The following ASTN1 variants were observed in gnomAD, a reference collection of about 807,000 sequenced individuals.
ASTN1 encodes astrotactin-1.
In ASTN1, 41 loss-of-function variants were observed where a neutral mutation model predicts 140.7. That is an observed-to-expected ratio of 0.29 (90% confidence interval 0.23 to 0.38). The LOEUF (loss-of-function observed/expected upper bound fraction) is 0.38, where lower values mean the gene tolerates loss of function less well. Ranked by LOEUF, ASTN1 falls within the 10% of genes least tolerant of loss-of-function variation. The pLI, the probability that ASTN1 is intolerant of heterozygous loss-of-function variation, is 1.00. For missense variants in ASTN1, 1,479 were observed against 1,678.8 expected, an observed-to-expected ratio of 0.88 and a Z score of 2.08; for synonymous variants, 640 against 652.2, an observed-to-expected ratio of 0.98 and a Z score of 0.29.
chr1:177,020,859 T>TTGTG (rs138744561), intron 7 of ASTN1, among the ~76,000 whole-genome samples: 3 of 151,388 alleles, frequency 2.0e-5, no homozygotes, highest in Non-Finnish European at 3.0e-5. Context: ...GTTTGTGTGT[T>TTGTG]TGTGTGTGTG....
intron 16 of ASTN1, among the ~76,000 whole-genome samples, chr1:176,925,963 G>A (rs914495135): frequency 2.6e-5 from 4 of 151,866 alleles, no homozygotes; most frequent in Non-Finnish European, 4.4e-5. Context: ...CCGGCACCAC[G>A]CCCAGCTAAT....
chr1:177,158,735 C>A (rs1683354358), intron 1 of ASTN1, among the ~76,000 whole-genome samples: 1 of 149,006 alleles, frequency 6.7e-6, no homozygotes, highest in African/African-American at 2.5e-5. Flanking sequence ...TAAGACAAGA[C>A]CTCAATCTTG....
At chr1:176,965,629 AC>A (rs1672844198) in intron 8 of ASTN1, among the ~76,000 whole-genome samples, 1 of 143,752 alleles carries the variant, frequency 7.0e-6, no homozygotes. Flanking sequence ...CTGGATTCAA[AC>A]CTCATTCTCA....
chr1:176,987,003 A>C (rs1673939196), intron 8 of ASTN1, among the ~76,000 whole-genome samples: 1 of 152,072 alleles, frequency 6.6e-6, no homozygotes, highest in Admixed American at 6.6e-5. Flanking sequence ...CCCCCTCTTA[A>C]CTAGGCAATA....
At chr1:176,973,088 C>T (rs1224995702) in intron 8 of ASTN1, among the ~76,000 whole-genome samples, 1 of 152,130 alleles carries the variant, frequency 6.6e-6, no homozygotes, top group African/African-American at 2.4e-5. Flanking sequence ...TGACCTTTCT[C>T]CTCTAATGAT....
intron 1 of ASTN1, among the ~76,000 whole-genome samples, chr1:177,108,362 A>AG (rs1021700167): frequency 2.0e-5 from 3 of 151,770 alleles, no homozygotes; most frequent in East Asian, 1.9e-4. Flanking sequence ...AAAAAAAAAA[A>AG]AAAAGAAAAG....
intron 21 of ASTN1, among the ~76,000 whole-genome samples, 174 bp downstream of exon 21, chr1:176,876,363 G>A (rs967908416): frequency 6.6e-6 from 1 of 152,134 alleles, no homozygotes; most frequent in African/African-American, 2.4e-5. Context: ...ACTTTTGCCA[G>A]CGGCTGAGTA....
intron 16 of ASTN1, among the ~76,000 whole-genome samples, chr1:176,911,521 A>AT (rs1194899641): frequency 1.3e-5 from 2 of 152,020 alleles, no homozygotes; most frequent in African/African-American, 4.8e-5. Flanking sequence ...GCTTTTCTCT[A>AT]TTTTTTAAAT....
intron 8 of ASTN1, among the ~76,000 whole-genome samples, chr1:176,966,226 AT>A (rs2101852000): frequency 1.3e-5 from 2 of 152,308 alleles, no homozygotes; most frequent in African/African-American, 4.8e-5. Context: ...ATAAATTATA[AT>A]TATTATTTGG....
chr1:177,057,008 T>C (rs887918896), intron 2 of ASTN1, among the ~76,000 whole-genome samples: 2 of 152,240 alleles, frequency 1.3e-5, no homozygotes, highest in Admixed American at 1.3e-4. Flanking sequence ...TTCATAGTTC[T>C]GAATGTCAAC....
intron 9 of ASTN1, among the ~76,000 whole-genome samples, chr1:176,964,252 A>G (rs1198415326): frequency 6.6e-6 from 1 of 152,198 alleles, no homozygotes; most frequent in Non-Finnish European, 1.5e-5. Context: ...CATTTGTCCT[A>G]CGCTGCTCAC....
chr1:177,164,555 G>A lies in ASTN1; in HGVS notation c.122C>T (p.Thr41Met). The part of the protein sequence containing the change: ...KELECKLKSI[T>M]VSALPFLREN... ...GCGCAGGAAGGGCAGTGCCGACACC[G>A]TGATGCTTTTGAGCTTGCACTCCAG... is the stretch of plus-strand genomic sequence containing the variant. Residue 41 changes from threonine (T) to methionine (M), a missense_variant, in exon 1 of 23, where the codon ACG (threonine) becomes ATG (methionine). Physicochemically the swap from Thr to Met is moderately conservative, Grantham distance 81. This residue lies in a region of ASTN1 where 729 missense variants were observed against 860.4 expected (regional missense o/e 0.85). Coordinates refer to ENST00000361833, the MANE Select transcript of ASTN1 (RefSeq NM_004319.3). 1.2e-6 allele frequency: 2 copies of A among 1,613,962 alleles called. No homozygotes were observed. The highest frequency in any genetic ancestry group is 1.7e-6 in the Non-Finnish European group (2 of 1,179,938).
chr1:177,095,040 C>A (rs1384235824), intron 1 of ASTN1, among the ~76,000 whole-genome samples: 1 of 152,104 alleles, frequency 6.6e-6, no homozygotes, highest in Non-Finnish European at 1.5e-5. Flanking sequence ...TAATTGTGTT[C>A]GTGTCCCAGT....
intron 1 of ASTN1, among the ~76,000 whole-genome samples, chr1:177,078,016 T>C (rs1336062428): frequency 6.6e-6 from 1 of 151,882 alleles, no homozygotes; most frequent in East Asian, 1.9e-4. Flanking sequence ...AGATGGGGAG[T>C]CTGGGCCATA....
At chr1:177,088,486 T>C (rs1279790538) in intron 1 of ASTN1, among the ~76,000 whole-genome samples, 1 of 152,150 alleles carries the variant, frequency 6.6e-6, no homozygotes, top group African/African-American at 2.4e-5. Context: ...CTTCCCTGAA[T>C]GTGGCTAGCG....
At chr1:176,995,618 G>T (rs896736645) in intron 8 of ASTN1, among the ~76,000 whole-genome samples, 5 of 152,174 alleles carry the variant, frequency 3.3e-5, no homozygotes, top group Admixed American at 6.5e-5. Context: ...GATTGGAGAT[G>T]GGGCAGAGAG....
chr1:176,961,369 A>G (rs538586351), intron 9 of ASTN1, among the ~76,000 whole-genome samples: 3 of 152,336 alleles, frequency 2.0e-5, no homozygotes, highest in Non-Finnish European at 4.4e-5. Flanking sequence ...TAAGAAAAGC[A>G]GCCTCTGGTA....
At chr1:176,984,121 A>G (rs766990234) in intron 8 of ASTN1, among the ~76,000 whole-genome samples, 4 of 152,216 alleles carry the variant, frequency 2.6e-5, no homozygotes, top group Non-Finnish European at 5.9e-5. Context: ...TACCTCATCG[A>G]TACCGTGAAT....
Position 176,863,128 on chromosome 1 carries a change from G to T in ASTN1, c.*1156C>A. On this transcript the variant is annotated 3_prime_UTR_variant, in exon 23 of 23. Transcript: ENST00000361833. ...CTAGATGTTAACTGCAATCAGTGGTGCTTCCCTACACAGAATCCCTGTGAC... is the reference window on the plus strand; with the variant it reads ...CTAGATGTTAACTGCAATCAGTGGTTCTTCCCTACACAGAATCCCTGTGAC... 1 of 985,792 alleles carries T rather than the reference G, an allele frequency of 1.0e-6. No homozygotes were observed. Among genetic ancestry groups the T allele is most frequent in the Non-Finnish European group, 1.2e-6 (1 of 829,914 alleles). 61.1% of individuals were successfully genotyped at this position (985,792 alleles called of 1,614,324 possible). A position where few individuals can be genotyped will look rare whatever the true frequency, so the allele number is the denominator to read the frequency against.
Sources: gnomAD v4.1 joint callset for allele counts (sites outside exome capture counted in the v4.1 genomes callset) on GRCh38, gnomAD v4.1.1 for gene constraint, gnomAD v4.1.1 regional missense constraint, MANE v1.5 for transcripts, NCBI Gene and HGNC (gene_info 2026-07-23, HGNC 2026-07-21) for gene names.